The following ALMS1 variants were observed in gnomAD, a reference collection of about 807,000 sequenced individuals.
ALMS1 encodes ALMS1 centrosome and basal body associated protein.
Under a neutral mutation model 352.2 loss-of-function variants are expected in ALMS1, and 271 were observed. The ratio of observed to expected loss-of-function variants is 0.77; its 90% CI spans 0.70 to 0.85. ALMS1 has a LOEUF of 0.85. Ranked by LOEUF, ALMS1 falls within the 40% of genes least tolerant of loss-of-function variation. The probability of loss-of-function intolerance (pLI) is 0.00; values close to 1 mark genes in which losing one functional copy is unlikely to be tolerated. For synonymous variants in ALMS1, 1,865 were observed against 1,761.2 expected, an observed-to-expected ratio of 1.06 and a Z score of -1.48; for missense variants, 5,445 against 4,870.7, an observed-to-expected ratio of 1.12 and a Z score of -3.51.
intron 1 of ALMS1, among the ~76,000 whole-genome samples, chr2:73,406,409 G>A (rs1329992392): frequency 6.9e-6 from 1 of 145,466 alleles, no homozygotes; most frequent in African/African-American, 2.5e-5. Flanking sequence ...ACAGCATATA[G>A]TTGGGTCCTG....
intron 10 of ALMS1, among the ~76,000 whole-genome samples, chr2:73,509,013 A>C (rs1572983524): frequency 6.6e-6 from 1 of 151,122 alleles, no homozygotes; most frequent in Non-Finnish European, 1.5e-5. Flanking sequence ...GTTGGTTTAA[A>C]GTCTGTTTTA....
intron 13 of ALMS1, among the ~76,000 whole-genome samples, chr2:73,552,698 T>TTGAG (rs1283886066): frequency 6.6e-6 from 1 of 152,196 alleles, no homozygotes; most frequent in African/African-American, 2.4e-5. Context: ...CCATTTCACC[T>TTGAG]TGAGAGAAGC....
chr2:73,563,211 G>C (rs1674702815), intron 15 of ALMS1, among the ~76,000 whole-genome samples: 1 of 151,876 alleles, frequency 6.6e-6, no homozygotes, highest in African/African-American at 2.4e-5. Context: ...AGAAAACTTA[G>C]AGATGTATCA....
chr2:73,419,856 T>G (rs866821395), intron 3 of ALMS1, among the ~76,000 whole-genome samples: 22 of 152,308 alleles, frequency 1.4e-4, no homozygotes, highest in Middle Eastern at 3.4e-3. Flanking sequence ...AAAGATAAAC[T>G]TTAAGTACTT....
At chr2:73,408,800 A>G in intron 2 of ALMS1, 53 bp downstream of exon 2, 2 of 1,570,408 alleles carry the variant, frequency 1.3e-6, no homozygotes, top group Admixed American at 3.4e-5. Context: ...AGCACAAGAA[A>G]TTCTGATTTA....
intron 7 of ALMS1, among the ~76,000 whole-genome samples, chr2:73,443,637 C>T (rs188126306): frequency 6.6e-6 from 1 of 152,064 alleles, no homozygotes; most frequent in South Asian, 2.1e-4. Context: ...GGGTAGAGCT[C>T]GGGCTTTGCT....
chr2:73,503,682 C>A (rs1016842484), intron 10 of ALMS1, among the ~76,000 whole-genome samples: 7 of 152,158 alleles, frequency 4.6e-5, no homozygotes, highest in African/African-American at 1.4e-4. Context: ...ACACTGACTT[C>A]CACAATGGTT....
chr2:73,479,305 A>G (rs554259480), intron 9 of ALMS1, among the ~76,000 whole-genome samples: 1 of 152,300 alleles, frequency 6.6e-6, no homozygotes, highest in Non-Finnish European at 1.5e-5. Context: ...TGATACAGCC[A>G]AGATACTGAA....
chr2:73,484,676 A>G (rs903276441), intron 9 of ALMS1, among the ~76,000 whole-genome samples: 1 of 152,052 alleles, frequency 6.6e-6, no homozygotes, highest in Non-Finnish European at 1.5e-5. Context: ...GTGTTTTCCA[A>G]CTTGGTTCCA....
rs920410396 is a variant in ALMS1 at position 73,490,179 on chromosome 2, C to A, written c.8220C>A (p.Ser2740Arg). Residue 2740 changes from serine (S) to arginine (R), a missense_variant, in exon 10 of 23, where the codon AGC (serine) becomes AGA (arginine). Physicochemically the swap from Ser to Arg is moderately radical, Grantham distance 110. Coordinates refer to ENST00000613296, the MANE Select transcript of ALMS1 (RefSeq NM_001378454.1). ...SVVKVGVTEG[S>R]QCTGASVGVF... ...TTAAGGTTGGTGTTACTGAAGGTAG[C>A]CAGTGTACTGGAGCATCTGTGGGGG... 1.9e-6 allele frequency: 3 copies of A among 1,614,164 alleles called. No homozygotes were observed. The Admixed American group carries it at 5.0e-5, about 27-fold the overall frequency.
In ALMS1 at chr2:73,419,316, T is replaced by A; in HGVS notation, c.644T>A (p.Leu215Gln). Residue 215 changes from leucine (L) to glutamine (Q), a missense_variant and splice_region_variant, in exon 3 of 23, where the codon CTA (leucine) becomes CAA (glutamine). Transcript: ENST00000613296. ...AGAGATCTCTTCTGTTCTCCACTGC[T>A]AGGTAATGCCTGTTTATTTTAACTA... is the stretch of plus-strand genomic sequence containing the variant. Reference protein sequence around the residue: ...PNRDLFCSPLLVIQDSFASPD... With the variant: ...PNRDLFCSPLQVIQDSFASPD... The A allele has an allele frequency of 6.2e-7, 1 of 1,613,510 alleles. No individual in the cohort carries two copies. The highest frequency in any genetic ancestry group is 8.5e-7 in the Non-Finnish European group (1 of 1,179,420).
chr2:73,429,042 G>T (rs1341649540), intron 6 of ALMS1, among the ~76,000 whole-genome samples: 1 of 152,138 alleles, frequency 6.6e-6, no homozygotes, highest in East Asian at 1.9e-4. Flanking sequence ...TGTGTCTTGA[G>T]CAAATGACTT....
Position 73,394,992 on chromosome 2 carries a change from ATATATATATGTG to A in ALMS1, c.324+8838_324+8849del, listed in dbSNP as rs766688001. 3.4e-3 allele frequency among the ~76,000 whole-genome samples: 415 copies of A among 122,024 alleles called. 2 individuals are homozygous for A. The highest frequency in any genetic ancestry group is 9.8e-3 in the East Asian group (48 of 4,886). 80.1% of individuals were successfully genotyped at this position (122,024 alleles called of 152,430 possible). ...TATGGTATTTTACATATATATGTGT[ATATATATATGTG>A]TATATATATGTGTATATATATGTGT... On this transcript the variant is annotated intron_variant, in intron 1 of 22. Coordinates refer to ENST00000613296, the MANE Select transcript of ALMS1 (RefSeq NM_001378454.1).
chr2:73,579,095 G>A (rs567327189), intron 16 of ALMS1, among the ~76,000 whole-genome samples: 1 of 93,268 alleles, frequency 1.1e-5, no homozygotes, highest in East Asian at 3.0e-4. Flanking sequence ...TTGAGACGGA[G>A]TCGTCCTGGG....
At chr2:73,581,130 C>T (rs1429051524) in intron 16 of ALMS1, among the ~76,000 whole-genome samples, 1 of 152,182 alleles carries the variant, frequency 6.6e-6, no homozygotes, top group Non-Finnish European at 1.5e-5. Context: ...TTTTCCAAGC[C>T]CTTATGCCCC....
At chr2:73,428,044 G>T (rs1558640601) in intron 6 of ALMS1, among the ~76,000 whole-genome samples, 2 of 152,066 alleles carry the variant, frequency 1.3e-5, no homozygotes, top group Admixed American at 6.6e-5. Context: ...ATTTATTAAA[G>T]TTTTTTTAAC....
Position 73,450,788 on chromosome 2 carries a change from A to G in ALMS1, c.4261A>G (p.Ile1421Val). 1 of 1,612,846 alleles carries G rather than the reference A, an allele frequency of 6.2e-7. No homozygotes were observed. The highest frequency in any genetic ancestry group is 8.5e-7 in the Non-Finnish European group (1 of 1,179,528). ...TGGACCAGGTGACCGGAAGACTGGG[A>G]TACCAACTTTACCCTCTACTTTCTA... ...VPGPGDRKTG[I>V]PTLPSTFYSH... is the part of the protein sequence containing the mutation. The change falls in exon 8 of 23, where the codon ATA (isoleucine) becomes GTA (valine). Residue 1421 changes from isoleucine to valine, a missense_variant. Coordinates refer to ENST00000613296, the MANE Select transcript of ALMS1 (RefSeq NM_001378454.1).
upstream of ALMS1, chr2:73,385,773 C>A: frequency 1.7e-6 from 1 of 604,704 alleles, no homozygotes; most frequent in Middle Eastern, 4.3e-4. Context: ...GGCGGCACTG[C>A]GCCTAAGCTG....
intron 1 of ALMS1, among the ~76,000 whole-genome samples, chr2:73,391,311 T>TTTTTTTTTTTA: frequency 3.4e-5 from 5 of 148,820 alleles, no homozygotes; most frequent in Admixed American, 1.3e-4. Context: ...TTTTTTTTTT[T>TTTTTTTTTTTA]GAGACGGAGT....
Sources: gnomAD v4.1 joint callset for allele counts (sites outside exome capture counted in the v4.1 genomes callset) on GRCh38, gnomAD v4.1.1 for gene constraint, MANE v1.5 for transcripts, NCBI Gene and HGNC (gene_info 2026-07-23, HGNC 2026-07-21) for gene names.